KIF13A: variants seen among roughly 807,000 people sequenced by gnomAD.
The protein encoded by KIF13A is kinesin-like protein KIF13A.
A neutral mutation model predicts 212.2 loss-of-function variants in KIF13A; 79 were observed. The ratio of observed to expected loss-of-function variants is 0.37; its 90% CI spans 0.31 to 0.45. The LOEUF (loss-of-function observed/expected upper bound fraction) is 0.45, where lower values mean the gene tolerates loss of function less well. Among genes scored for constraint, KIF13A ranks in the 20% least tolerant of loss-of-function variants. KIF13A has a pLI of 1.00. For synonymous variants in KIF13A, 789 were observed against 808.6 expected, an observed-to-expected ratio of 0.98 and a Z score of 0.41; for missense variants, 1,901 against 2,209.0, an observed-to-expected ratio of 0.86 and a Z score of 2.79.
In KIF13A at chr6:17,912,675, T is replaced by C. The variant is rs537833303; in HGVS notation, c.147-14495A>G. On this transcript the variant is annotated intron_variant, in intron 2 of 38. Transcript: ENST00000259711. The surrounding 1 kb of genome is among the most constrained non-coding windows in gnomAD (Gnocchi z 4.2). The stretch of plus-strand genomic sequence containing the variant: ...TCCATCTCTGACTTCATGTTTGTTT[T>C]TAAAACTATCTTACAGTAAGTCTAT... Among the ~76,000 whole-genome samples the C allele has an allele frequency of 4.6e-5, 7 of 152,344 alleles. No homozygotes were observed. In the East Asian group the frequency reaches 7.7e-4, roughly 17 times the overall value.
rs1250491769 is a variant in KIF13A at position 17,785,148 on chromosome 6, T to C, written c.3488+367A>G. Among the ~76,000 whole-genome samples the C allele has an allele frequency of 6.6e-6, 1 of 152,224 alleles. No individual in the cohort carries two copies. Among genetic ancestry groups the C allele is most frequent in the Non-Finnish European group, 1.5e-5 (1 of 68,040 alleles). On this transcript the variant is annotated intron_variant, in intron 28 of 38. Coordinates refer to ENST00000259711, the MANE Select transcript of KIF13A (RefSeq NM_022113.6). This position sits in a 1 kb window ranked among gnomAD's most constrained non-coding sequence, Gnocchi z 5.8. Reference sequence around the variant, plus strand: ...ATTTTATATACATTATCTCTAATTCTCACAATACTACCAAAAAAATAGCTC... The same window carrying C: ...ATTTTATATACATTATCTCTAATTCCCACAATACTACCAAAAAAATAGCTC...
At position 17,947,305 on chromosome 6, in the gene KIF13A, T is replaced by C. The variant is rs980556291; in HGVS notation, c.146+39749A>G. Among the ~76,000 whole-genome samples, 10 of 152,154 alleles carry C rather than the reference T, an allele frequency of 6.6e-5. No individual in the cohort carries two copies. The highest frequency in any genetic ancestry group is 1.4e-4 in the African/African-American group (6 of 41,428). On this transcript the variant is annotated intron_variant, in intron 2 of 38. Coordinates refer to ENST00000259711, the MANE Select transcript of KIF13A (RefSeq NM_022113.6). This position sits in a 1 kb window ranked among gnomAD's most constrained non-coding sequence, Gnocchi z 4.6. ...TTTTCTTAACTGTTGAAACCAAATA[T>C]ATAAGTTATATACTTCTTTATTATA...
At chr6:17,841,543 C>T (rs1766508415) in intron 9 of KIF13A, among the ~76,000 whole-genome samples, 1 of 152,170 alleles carries the variant, frequency 6.6e-6, no homozygotes, top group African/African-American at 2.4e-5. Flanking sequence ...ATCAGTATAG[C>T]ATGTAAGCAG....
At chr6:17,792,196 C>A (rs1407251785) in intron 25 of KIF13A, among the ~76,000 whole-genome samples, 322 of 74,882 alleles carry the variant, frequency 4.3e-3, no homozygotes, top group Admixed American at 7.3e-3. Context: ...GAGTGAGACT[C>A]AAAAAAAAAA....
rs977514633 is a variant in KIF13A at position 17,892,895 on chromosome 6, G to C, written c.159+5273C>G. On this transcript the variant is annotated intron_variant, in intron 3 of 38. Coordinates refer to ENST00000259711, the MANE Select transcript of KIF13A (RefSeq NM_022113.6). The surrounding 1 kb of genome is among the most constrained non-coding windows in gnomAD (Gnocchi z 4.7). Reference sequence around the variant, plus strand: ...GCAATATTATGTAAAGGGCGTTCCTGAGTTCTGTGAGCCATTCTAGCAAAT... The same window carrying C: ...GCAATATTATGTAAAGGGCGTTCCTCAGTTCTGTGAGCCATTCTAGCAAAT... Among the ~76,000 whole-genome samples, 16 of 152,306 alleles carry C rather than the reference G, an allele frequency of 1.1e-4. No individual in the cohort carries two copies. Among genetic ancestry groups the C allele is most frequent in the African/African-American group, 3.8e-4 (16 of 41,570 alleles).
chr6:17,986,424 ACATCC>A (rs1222547613), intron 2 of KIF13A, among the ~76,000 whole-genome samples: 2 of 152,214 alleles, frequency 1.3e-5, no homozygotes, highest in Non-Finnish European at 2.9e-5. Flanking sequence ...CCCTTTTTAA[ACATCC>A]CTCAGTGTCT....
At chr6:17,806,747 C>T (rs554967346) in intron 18 of KIF13A, among the ~76,000 whole-genome samples, 2 of 152,172 alleles carry the variant, frequency 1.3e-5, no homozygotes, top group African/African-American at 4.8e-5. Flanking sequence ...GGTGTGGTGG[C>T]GCATGCCTGT....
rs749181404 is a variant in KIF13A, at chr6:17,817,052, C to T, written c.1968G>A (p.Ala656=). ...PDRLAYSSQT[A]QQKVTQWAEE... ...CTGCCCACTGGGTCACCTTCTGCTG[C>T]GCTGTCTGGCTGCTGTAGGCCAGGC... Residue 656 remains alanine (A), a synonymous_variant, in exon 17 of 39, where the codon GCG becomes GCA. Transcript: ENST00000259711. 4.2e-5 allele frequency: 67 copies of T among 1,612,968 alleles called. No homozygotes were observed. The highest frequency in any genetic ancestry group is 1.8e-4 in the Middle Eastern group (1 of 5,642).
Position 17,984,049 on chromosome 6 carries a change from A to C in KIF13A, c.146+3005T>G, listed in dbSNP as rs1781334852. Among the ~76,000 whole-genome samples the C allele has an allele frequency of 6.7e-6, 1 of 149,630 alleles. No homozygotes were observed. The highest frequency in any genetic ancestry group is 1.5e-5 in the Non-Finnish European group (1 of 67,546). On this transcript the variant is annotated intron_variant, in intron 2 of 38. Coordinates refer to ENST00000259711, the MANE Select transcript of KIF13A (RefSeq NM_022113.6). The surrounding 1 kb of genome is among the most constrained non-coding windows in gnomAD (Gnocchi z 5.0). Reference sequence around the variant, plus strand: ...ATTTGCTAAGCCCTTGCTAAGTGCCAGTATGCAGGAGCATGAGGTACAAAG... The same window carrying C: ...ATTTGCTAAGCCCTTGCTAAGTGCCCGTATGCAGGAGCATGAGGTACAAAG...
intron 4 of KIF13A, among the ~76,000 whole-genome samples, chr6:17,861,109 T>C (rs1203749309): frequency 1.3e-5 from 2 of 152,160 alleles, no homozygotes; most frequent in Non-Finnish European, 2.9e-5. Flanking sequence ...TTCAAATTTA[T>C]CATATTTAGT....
intron 26 of KIF13A, among the ~76,000 whole-genome samples, chr6:17,788,373 A>G (rs1441682277): frequency 6.6e-6 from 1 of 152,184 alleles, no homozygotes; most frequent in Non-Finnish European, 1.5e-5. Context: ...ACTTGCCACA[A>G]ACATTTTACT....
chr6:17,985,632 C>CCGGGGGGGGGGGG (rs112580662), intron 2 of KIF13A, among the ~76,000 whole-genome samples: 4 of 38,204 alleles, frequency 1.0e-4, no homozygotes, highest in Non-Finnish European at 2.1e-4. Context: ...ATGCAGTTTG[C>CCGGGGGGGGGGGG]GGGGGGGTGG....
downstream of KIF13A, among the ~76,000 whole-genome samples, chr6:17,761,870 T>C (rs1435741529): frequency 6.6e-6 from 1 of 152,080 alleles, no homozygotes; most frequent in African/African-American, 2.4e-5. Flanking sequence ...TTGCTCCTCT[T>C]CCCTCTTCTA....
At chr6:17,863,703 A>G (rs1769074707) in intron 4 of KIF13A, among the ~76,000 whole-genome samples, 1 of 152,166 alleles carries the variant, frequency 6.6e-6, no homozygotes, top group East Asian at 1.9e-4. Flanking sequence ...GCTACACTTC[A>G]TTCTGCAATA....
intron 38 of KIF13A, among the ~76,000 whole-genome samples, chr6:17,765,935 T>C (rs537524892): frequency 2.6e-5 from 4 of 152,330 alleles, no homozygotes; most frequent in African/African-American, 9.6e-5. Context: ...CCTAAGGACT[T>C]GGAAATAGCA....
Position 17,837,005 on chromosome 6 carries a change from A to G in KIF13A, c.1028T>C (p.Leu343Ser). The change falls in exon 11 of 39, where the codon TTA becomes TCA. Residue 343 changes from leucine (L) to serine (S), a missense_variant. Coordinates refer to ENST00000259711, the MANE Select transcript of KIF13A (RefSeq NM_022113.6). This position sits in a 1 kb window ranked among gnomAD's most constrained non-coding sequence, Gnocchi z 5.4. The stretch of plus-strand genomic sequence containing the variant: ...CCTTTTGGCTCGGTCTGCATATCTT[A>G]ATGTGGAGAGGGTCTCTTCATAGTT... ...ADNYEETLST[L>S]RYADRAKRIV... is the part of the protein sequence containing the mutation. The G allele has an allele frequency of 6.2e-7, 1 of 1,613,934 alleles. No homozygotes were observed. Among genetic ancestry groups the G allele is most frequent in the Non-Finnish European group, 8.5e-7 (1 of 1,179,890 alleles).
At chr6:17,966,480 C>T (rs1043266218) in intron 2 of KIF13A, among the ~76,000 whole-genome samples, 51 of 77,382 alleles carry the variant, frequency 6.6e-4, no homozygotes, top group Admixed American at 8.4e-4. Flanking sequence ...GAGCAGGATT[C>T]TTTCAAAAGT....
chr6:17,846,604 T>A (rs1270508383), intron 9 of KIF13A, among the ~76,000 whole-genome samples: 7 of 127,018 alleles, frequency 5.5e-5, no homozygotes, highest in African/African-American at 1.8e-4. Context: ...CCCATTTCTT[T>A]AAAAAAAAAA....
At position 17,873,115 on chromosome 6, in the gene KIF13A, T is replaced by C. The variant is rs1770173036; in HGVS notation, c.220+262A>G. 1.7e-5 allele frequency: 6 copies of C among 351,746 alleles called. No homozygotes were observed. The South Asian group carries it at 3.1e-4, about 18-fold the overall frequency. The allele number at this position is 351,746 out of a possible 1,614,324, so 21.8% of individuals were successfully genotyped here. ...TAAAACAGCAGTCATTTGTGTTGGATGGAATGAGGATAAAATACCACAAGG... is the reference window on the plus strand; with the variant it reads ...TAAAACAGCAGTCATTTGTGTTGGACGGAATGAGGATAAAATACCACAAGG... On this transcript the variant is annotated intron_variant, in intron 4 of 38. Transcript: ENST00000259711.
Sources: gnomAD v4.1 joint callset for allele counts (sites outside exome capture counted in the v4.1 genomes callset) on GRCh38, gnomAD v4.1.1 for gene constraint, Gnocchi (gnomAD v3.1) non-coding constraint, MANE v1.5 for transcripts, NCBI Gene and HGNC (gene_info 2026-07-23, HGNC 2026-07-21) for gene names.